The following FIG4 variants were observed in gnomAD, a reference collection of about 807,000 sequenced individuals.
The protein encoded by FIG4 is FIG4 phosphoinositide 5-phosphatase, also known as polyphosphoinositide phosphatase.
In FIG4, 112 loss-of-function variants were observed where a neutral mutation model predicts 118.6. The observed-to-expected ratio is 0.94, with a 90% CI of 0.81 to 1.11. FIG4 has a LOEUF of 1.11. FIG4 is among the 50% of genes least tolerant of loss of function. The pLI is 0.00. For missense variants in FIG4, 969 were observed against 1,111.7 expected, an observed-to-expected ratio of 0.87 and a Z score of 1.83; for synonymous variants, 369 against 381.2, an observed-to-expected ratio of 0.97 and a Z score of 0.37.
intron 16 of FIG4, among the ~76,000 whole-genome samples, 159 bp from the exon 17 acceptor site, chr6:109,784,811 A>G (rs1777905905): frequency 6.6e-6 from 1 of 152,238 alleles, no homozygotes; most frequent in South Asian, 2.1e-4. Flanking sequence ...TTGAAGACCT[A>G]CTGTGTCAAA....
intron 19 of FIG4, 101 bp from the exon 20 acceptor site, chr6:109,791,275 C>G (rs2128397199): frequency 2.0e-6 from 2 of 997,910 alleles, no homozygotes; most frequent in Non-Finnish European, 3.1e-6. Context: ...CAGTCATTTT[C>G]TTATGCTTCA....
intron 3 of FIG4, among the ~76,000 whole-genome samples, chr6:109,726,125 TG>T (rs148862144): frequency 0.34 from 51,112 of 151,902 alleles, 9,181 homozygotes; most frequent in South Asian, 0.45. Flanking sequence ...TTGTCAATTT[TG>T]GCTTTTATTG....
In FIG4 at chr6:109,727,294, T is replaced by TC. The variant is rs770434527; in HGVS notation, c.446+29_446+30insC. The TC allele has an allele frequency of 2.5e-6, 4 of 1,591,664 alleles. No homozygotes were observed. In the South Asian group the frequency reaches 3.3e-5, roughly 13 times the overall value. On this transcript the variant is annotated intron_variant, in intron 4 of 22. Transcript: ENST00000230124. ...TGTATGGTGGTAACTACCTTTTTTT[T>TC]TTTGGAGACAAGGTCTTGCCCTGTT... is the stretch of plus-strand genomic sequence containing the variant.
intron 15 of FIG4, among the ~76,000 whole-genome samples, chr6:109,771,735 G>T (rs1777470484): frequency 6.6e-6 from 1 of 152,072 alleles, no homozygotes; most frequent in Non-Finnish European, 1.5e-5. Flanking sequence ...TGCACCCATA[G>T]TTTCTACCCT....
chr6:109,697,718 A>C (rs969949656), intron 1 of FIG4, among the ~76,000 whole-genome samples: 1 of 152,228 alleles, frequency 6.6e-6, no homozygotes. Context: ...GACAAGAATC[A>C]TTAAGAGTTC....
chr6:109,725,226 G>C (rs1445304307), intron 3 of FIG4, among the ~76,000 whole-genome samples: 2 of 152,036 alleles, frequency 1.3e-5, no homozygotes, highest in African/African-American at 4.8e-5. Flanking sequence ...CATGCGTTAG[G>C]TATTTGTCCT....
chr6:109,718,315 A>G (rs2128381950), intron 3 of FIG4, among the ~76,000 whole-genome samples: 1 of 152,342 alleles, frequency 6.6e-6, no homozygotes, highest in East Asian at 1.9e-4. Flanking sequence ...ACAATGGAGG[A>G]TTACAATGGA....
intron 22 of FIG4, among the ~76,000 whole-genome samples, chr6:109,813,660 C>T (rs538680020): frequency 1.3e-5 from 2 of 152,316 alleles, no homozygotes; most frequent in African/African-American, 4.8e-5. Context: ...TCCTGTTATT[C>T]ATATCCTCTT....
In FIG4 at chr6:109,791,499, A is replaced by T; in HGVS notation, c.2304A>T (p.Glu768Asp). The T allele has an allele frequency of 6.2e-7, 1 of 1,614,122 alleles. No individual in the cohort carries two copies. The highest frequency in any genetic ancestry group is 8.5e-7 in the Non-Finnish European group (1 of 1,180,044). The change falls in exon 20 of 23, where the codon GAA becomes GAT. Residue 768 changes from glutamate (E) to aspartate (D), a missense_variant. Physicochemically the swap from Glu to Asp is conservative, Grantham distance 45. This residue lies in a region of FIG4 where 330 missense variants were observed against 348.1 expected (regional missense o/e 0.95). Coordinates refer to ENST00000230124, the MANE Select transcript of FIG4 (RefSeq NM_014845.6). ...SEDDSGTDRE[E>D]EGSVSQRSTP... is the part of the protein sequence containing the mutation. ...ATGACTCTGGGACTGATCGGGAAGA[A>T]GAGGGCTCTGTGTCTCAGCGCTCCA... is the stretch of plus-strand genomic sequence containing the variant.
At chr6:109,768,206 A>C (rs1777342675) in intron 15 of FIG4, among the ~76,000 whole-genome samples, 1 of 152,138 alleles carries the variant, frequency 6.6e-6, no homozygotes, top group Admixed American at 6.5e-5. Flanking sequence ...AGGCCCCTGG[A>C]AGGACAGAGA....
intron 5 of FIG4, 89 bp downstream of exon 5, chr6:109,732,776 T>C (rs1460226559): frequency 1.4e-6 from 1 of 724,158 alleles, no homozygotes; most frequent in Non-Finnish European, 2.4e-6. Flanking sequence ...AACATAGTAG[T>C]ACTTCTCTTT....
intron 22 of FIG4, among the ~76,000 whole-genome samples, chr6:109,816,156 C>T (rs1486711118): frequency 6.6e-6 from 1 of 152,180 alleles, no homozygotes; most frequent in Admixed American, 6.5e-5. Context: ...AGCTGCTCCA[C>T]TGGATCCTTC....
intron 22 of FIG4, among the ~76,000 whole-genome samples, chr6:109,797,723 C>T (rs572458412): frequency 2.4e-4 from 36 of 151,974 alleles, no homozygotes; most frequent in Admixed American, 6.6e-4. Context: ...TCATGAAACC[C>T]GGTGGCCACT....
chr6:109,764,892 A>G (rs1777232419), intron 13 of FIG4, 121 bp from the exon 14 acceptor site: 5 of 673,298 alleles, frequency 7.4e-6, no homozygotes, highest in Non-Finnish European at 1.0e-5. Context: ...CTGCCCACAG[A>G]CTTTTTTTGT....
At chr6:109,785,380 G>A (rs77891891) in intron 17 of FIG4, among the ~76,000 whole-genome samples, 8,052 of 152,184 alleles carry the variant, frequency 0.053, 402 homozygotes, top group East Asian at 0.19. Flanking sequence ...TGCGGAGGAA[G>A]TAAGGACCTA....
chr6:109,769,229 A>C (rs1777384027), intron 15 of FIG4, among the ~76,000 whole-genome samples: 1 of 151,420 alleles, frequency 6.6e-6, no homozygotes, highest in African/African-American at 2.4e-5. Context: ...CAGCCTCCGG[A>C]GTGTAATGTG....
chr6:109,694,523 C>A (rs1774650105), intron 1 of FIG4, among the ~76,000 whole-genome samples: 1 of 152,118 alleles, frequency 6.6e-6, no homozygotes, highest in South Asian at 2.1e-4. Flanking sequence ...GGATATTGGT[C>A]TAGGCAAAGA....
intron 18 of FIG4, among the ~76,000 whole-genome samples, chr6:109,788,612 A>G (rs1778052925): frequency 6.6e-6 from 1 of 152,236 alleles, no homozygotes; most frequent in Admixed American, 6.5e-5. Flanking sequence ...GGGGTTACAG[A>G]TACACCTTAG....
intron 16 of FIG4, among the ~76,000 whole-genome samples, chr6:109,780,681 C>T (rs1162468941): frequency 6.6e-6 from 1 of 151,974 alleles, no homozygotes; most frequent in Non-Finnish European, 1.5e-5. Context: ...CATGCTGTAT[C>T]TTATACTGTG....
Sources: allele counts gnomAD v4.1 joint callset (sites outside exome capture counted in the v4.1 genomes callset), GRCh38; gene constraint gnomAD v4.1.1; regional missense constraint gnomAD v4.1.1; transcripts MANE v1.5; gene names NCBI Gene and HGNC (gene_info 2026-07-23, HGNC 2026-07-21).